NKAIN2: variants seen among roughly 807,000 people sequenced by gnomAD.
NKAIN2 encodes the protein sodium/potassium transporting ATPase interacting 2, also known as sodium/potassium-transporting ATPase subunit beta-1-interacting protein 2.
A neutral mutation model predicts 32.6 loss-of-function variants in NKAIN2; 14 were observed. The observed-to-expected ratio is 0.43, with a 90% CI of 0.28 to 0.67. NKAIN2 has a LOEUF of 0.67. Among genes scored for constraint, NKAIN2 ranks in the 30% least tolerant of loss-of-function variants. The pLI is 0.17. For missense variants in NKAIN2, 198 were observed against 258.3 expected (o/e 0.77, Z 1.60); for synonymous variants, 80 against 87.2 (o/e 0.92, Z 0.46).
At chr6:124,023,788 G>A (rs944877729) in intron 1 of NKAIN2, among the ~76,000 whole-genome samples, 1 of 152,000 alleles carries the variant, frequency 6.6e-6, no homozygotes, top group African/African-American at 2.4e-5. Context: ...TTACATTTTT[G>A]TAATTGAAAA....
chr6:124,587,378 C>T (rs1460404692), intron 3 of NKAIN2, among the ~76,000 whole-genome samples: 1 of 151,850 alleles, frequency 6.6e-6, no homozygotes, highest in Non-Finnish European at 1.5e-5. Context: ...TGCCACCACG[C>T]CCGGCTAATT....
chr6:124,076,477 T>A (rs1161990969), intron 1 of NKAIN2, among the ~76,000 whole-genome samples: 1 of 152,162 alleles, frequency 6.6e-6, no homozygotes, highest in Non-Finnish European at 1.5e-5. Flanking sequence ...CTAGGCTGTT[T>A]ATGAGGAGAT....
At chr6:123,919,069 C>T (rs1022830731) in intron 1 of NKAIN2, among the ~76,000 whole-genome samples, 1 of 151,858 alleles carries the variant, frequency 6.6e-6, no homozygotes, top group South Asian at 2.1e-4. Flanking sequence ...TGACTTAATA[C>T]GAACTTGGCA....
At chr6:124,820,573 T>C (rs1352359364) in intron 6 of NKAIN2, among the ~76,000 whole-genome samples, 1 of 152,188 alleles carries the variant, frequency 6.6e-6, no homozygotes, top group Non-Finnish European at 1.5e-5. Context: ...TAACATACAC[T>C]GCAAGTCATT....
At chr6:124,304,221 C>T (rs911809740) in intron 2 of NKAIN2, among the ~76,000 whole-genome samples, 1 of 152,052 alleles carries the variant, frequency 6.6e-6, no homozygotes, top group African/African-American at 2.4e-5. Flanking sequence ...AACTCATTTC[C>T]ACCTTCCCAT....
At chr6:123,890,672 C>G (rs1042887610) in intron 1 of NKAIN2, among the ~76,000 whole-genome samples, 1 of 151,928 alleles carries the variant, frequency 6.6e-6, no homozygotes, top group Non-Finnish European at 1.5e-5. Flanking sequence ...TACAGCAAAC[C>G]CAGAAAGTAT....
intron 5 of NKAIN2, among the ~76,000 whole-genome samples, chr6:124,805,819 G>A (rs1034612371): frequency 2.0e-5 from 3 of 152,202 alleles, no homozygotes; most frequent in African/African-American, 7.2e-5. Context: ...TGAAAGCCAA[G>A]GCATGAGAAC....
intron 3 of NKAIN2, among the ~76,000 whole-genome samples, chr6:124,394,152 T>G (rs1226460943): frequency 6.6e-6 from 1 of 152,138 alleles, no homozygotes; most frequent in East Asian, 1.9e-4. Flanking sequence ...TCCTCTTTAT[T>G]TTATTTGTAT....
intron 1 of NKAIN2, among the ~76,000 whole-genome samples, chr6:123,960,631 T>C (rs570574999): frequency 6.6e-6 from 1 of 151,892 alleles, no homozygotes; most frequent in East Asian, 2.0e-4. Flanking sequence ...CATCTCTTCA[T>C]GTGCCATAGC....
chr6:124,049,335 T>C (rs556295052), intron 1 of NKAIN2, among the ~76,000 whole-genome samples: 42 of 152,078 alleles, frequency 2.8e-4, no homozygotes, highest in Middle Eastern at 3.4e-3. Context: ...TTCCCAAATA[T>C]ATACTCTAAG....
At chr6:124,133,987 C>T (rs149520470) in intron 1 of NKAIN2, among the ~76,000 whole-genome samples, 4 of 151,928 alleles carry the variant, frequency 2.6e-5, no homozygotes, top group African/African-American at 7.3e-5. Context: ...ATAACACCCC[C>T]GAAAGATCAC....
At chr6:124,412,563 G>A (rs1774250045) in intron 3 of NKAIN2, among the ~76,000 whole-genome samples, 1 of 152,190 alleles carries the variant, frequency 6.6e-6, no homozygotes, top group South Asian at 2.1e-4. Context: ...ACCCGGCCGT[G>A]CGAGGTGTCA....
intron 4 of NKAIN2, among the ~76,000 whole-genome samples, chr6:124,750,895 C>T (rs1170963934): frequency 1.3e-5 from 2 of 151,826 alleles, no homozygotes; most frequent in African/African-American, 4.8e-5. Context: ...CAGGACAAGG[C>T]TCTAAGAGAT....
Position 124,757,295 on chromosome 6 carries a change from T to G in NKAIN2, c.475-34044T>G, listed in dbSNP as rs116869258. The stretch of plus-strand genomic sequence containing the variant: ...TTTTGTTGAACAGATATAGATTTGT[T>G]TGGTCATTGACAGGCATCATTTGCC... On this transcript the variant is annotated intron_variant, in intron 4 of 6. Coordinates refer to ENST00000368417, the MANE Select transcript of NKAIN2 (RefSeq NM_001040214.3). Among the ~76,000 whole-genome samples the G allele has an allele frequency of 4.7e-3, 712 of 152,298 alleles. 3 individuals are homozygous for G. Among genetic ancestry groups the G allele is most frequent in the South Asian group, 0.022 (106 of 4,826 alleles).
intron 3 of NKAIN2, among the ~76,000 whole-genome samples, chr6:124,580,148 C>T (rs557160674): frequency 1.4e-4 from 21 of 152,104 alleles, no homozygotes; most frequent in Non-Finnish European, 2.9e-4. Flanking sequence ...TCTGAAGGTG[C>T]AAGACTTGCT....
chr6:124,662,304 TA>T (rs1269253985), intron 4 of NKAIN2, among the ~76,000 whole-genome samples: 18 of 18,428 alleles, frequency 9.8e-4, no homozygotes, highest in African/African-American at 6.0e-3. Context: ...AAGAATAATT[TA>T]TATATATATA....
intron 3 of NKAIN2, among the ~76,000 whole-genome samples, chr6:124,431,830 C>T (rs1446265811): frequency 1.3e-5 from 2 of 152,046 alleles, no homozygotes; most frequent in African/African-American, 2.4e-5. Flanking sequence ...TAGGAAACTC[C>T]ATAAATCCTT....
At chr6:124,634,687 A>C (rs1783704815) in intron 3 of NKAIN2, among the ~76,000 whole-genome samples, 1 of 152,126 alleles carries the variant, frequency 6.6e-6, no homozygotes, top group African/African-American at 2.4e-5. Context: ...ATAATAACTA[A>C]AAATTTTCCA....
At chr6:124,193,232 G>A (rs572470573) in intron 1 of NKAIN2, among the ~76,000 whole-genome samples, 19 of 152,300 alleles carry the variant, frequency 1.2e-4, no homozygotes, top group East Asian at 5.8e-4. Flanking sequence ...CATTTGGCCC[G>A]GCAAACAGGG....
Sources: allele counts gnomAD v4.1 joint callset (sites outside exome capture counted in the v4.1 genomes callset), GRCh38; gene constraint gnomAD v4.1.1; transcripts MANE v1.5; gene names NCBI Gene and HGNC (gene_info 2026-07-23, HGNC 2026-07-21).